RAP1GAP2: variants seen among roughly 807,000 people sequenced by gnomAD.
The protein encoded by RAP1GAP2 is RAP1 GTPase activating protein 2, also known as rap1 GTPase-activating protein 2.
In RAP1GAP2, 27 loss-of-function variants were observed where a neutral mutation model predicts 95.0. The observed-to-expected ratio is 0.28, with a 90% CI of 0.21 to 0.39. The LOEUF is 0.39. RAP1GAP2 is among the 10% of genes least tolerant of loss of function. The pLI is 1.00. For missense variants in RAP1GAP2, 771 were observed against 970.0 expected (o/e 0.79, Z 2.72); for synonymous variants, 373 against 380.9 (o/e 0.98, Z 0.24).
chr17:2,913,118 C>T (rs2042444660), intron 3 of RAP1GAP2, among the ~76,000 whole-genome samples: 1 of 152,064 alleles, frequency 6.6e-6, no homozygotes, highest in South Asian at 2.1e-4. Flanking sequence ...ATTGAGCTTG[C>T]AGTGAGTTAT....
chr17:2,964,423 G>A, intron 7 of RAP1GAP2: 1 of 251,938 alleles, frequency 4.0e-6, no homozygotes, highest in South Asian at 4.3e-5. Context: ...CTTTTCCTTG[G>A]CCTCTTACCT....
intron 2 of RAP1GAP2, among the ~76,000 whole-genome samples, chr17:2,771,224 C>T (rs79231205): frequency 0.02 from 3,051 of 152,198 alleles, 100 homozygotes; most frequent in African/African-American, 0.069. Flanking sequence ...CCTTCTTTGT[C>T]CGCCTCCTTT....
chr17:3,026,018 T>C lies in RAP1GAP2; in HGVS notation c.1762T>C (p.Ser588Pro), dbSNP rs898752398. The C allele has an allele frequency of 6.2e-7, 1 of 1,612,706 alleles. No individual in the cohort carries two copies. Among genetic ancestry groups the C allele is most frequent in the Admixed American group, 1.7e-5 (1 of 60,000 alleles). The change falls in exon 20 of 25, where the codon TCC becomes CCC. Residue 588 changes from serine to proline, a missense_variant. Ser to Pro is a moderately conservative substitution (Grantham distance 74, BLOSUM62 -1). Transcript: ENST00000254695. Reference protein sequence around the residue: ...GDSRARCDSTSSTPKTPDGGH... With the variant: ...GDSRARCDSTPSTPKTPDGGH... ...TTTCCATTCCCTCAGTGACAGCACA[T>C]CCAGCACACCCAAGACCCCAGATGG...
At chr17:2,945,040 A>AT (rs923681236) in intron 3 of RAP1GAP2, among the ~76,000 whole-genome samples, 15 of 151,438 alleles carry the variant, frequency 9.9e-5, no homozygotes, top group Middle Eastern at 3.2e-3. Flanking sequence ...CGCCCGGCTG[A>AT]TTTTTTTTGT....
At chr17:2,908,940 A>T (rs2042284530) in intron 3 of RAP1GAP2, among the ~76,000 whole-genome samples, 1 of 151,994 alleles carries the variant, frequency 6.6e-6, no homozygotes, top group Middle Eastern at 3.2e-3. Context: ...TCTTGGGTTC[A>T]AGCCATCCTT....
In RAP1GAP2 at chr17:2,870,545, T is replaced by C. The variant is rs2072800881; in HGVS notation, c.81-34739T>C. Among the ~76,000 whole-genome samples the C allele has an allele frequency of 6.6e-6, 1 of 152,246 alleles. No individual in the cohort carries two copies. Among genetic ancestry groups the C allele is most frequent in the Admixed American group, 6.5e-5 (1 of 15,286 alleles). On this transcript the variant is annotated intron_variant, in intron 2 of 24. Coordinates refer to ENST00000254695, the MANE Select transcript of RAP1GAP2 (RefSeq NM_015085.5). The surrounding 1 kb of genome is among the most constrained non-coding windows in gnomAD (Gnocchi z 4.4). ...TCACCTTCAGTCCCACAAGGGAGAC[T>C]GTAGAGATATTAACGTTTAATATTT... is the stretch of plus-strand genomic sequence containing the variant.
At chr17:2,876,719 G>C (rs1207284996) in intron 2 of RAP1GAP2, among the ~76,000 whole-genome samples, 9 of 152,068 alleles carry the variant, frequency 5.9e-5, no homozygotes, top group Non-Finnish European at 1.2e-4. Context: ...ATGCTGGTCA[G>C]CTGGGGCTGA....
chr17:2,940,486 A>T (rs901424093), intron 3 of RAP1GAP2, among the ~76,000 whole-genome samples: 4 of 152,216 alleles, frequency 2.6e-5, no homozygotes, highest in African/African-American at 9.6e-5. Flanking sequence ...GGGACTCCTC[A>T]GCTGGGCTTC....
At chr17:3,030,177 T>TACACACAC (rs61671474) in intron 22 of RAP1GAP2, among the ~76,000 whole-genome samples, 34 of 145,248 alleles carry the variant, frequency 2.3e-4, no homozygotes, top group African/African-American at 8.4e-4. Context: ...ATATATATTA[T>TACACACAC]ACACACACAC....
intron 2 of RAP1GAP2, among the ~76,000 whole-genome samples, chr17:2,894,920 C>A (rs1204695966): frequency 6.6e-6 from 1 of 152,158 alleles, no homozygotes; most frequent in Non-Finnish European, 1.5e-5. Flanking sequence ...CTTGCAGAGT[C>A]CTCCAGCAAA....
At chr17:2,826,668 GAAGGTGAAT>G (rs2070579123) in intron 2 of RAP1GAP2, among the ~76,000 whole-genome samples, 2 of 152,062 alleles carry the variant, frequency 1.3e-5, no homozygotes, top group Admixed American at 1.3e-4. Context: ...AGGGTCCTAA[GAAGGTGAAT>G]CCTGAGCCCA....
chr17:3,016,850 G>T (rs1443423), intron 17 of RAP1GAP2, among the ~76,000 whole-genome samples: 2 of 152,016 alleles, frequency 1.3e-5, no homozygotes, highest in East Asian at 3.9e-4. Context: ...CAGCTAATGC[G>T]TGCTGGAGTA....
At position 2,946,857 on chromosome 17, in the gene RAP1GAP2, T is replaced by A. The variant is rs529558666; in HGVS notation, c.166-10902T>A. On this transcript the variant is annotated intron_variant, in intron 3 of 24. Transcript: ENST00000254695. The stretch of plus-strand genomic sequence containing the variant: ...GCAACCTCCACCCCCCGGGTTCAAG[T>A]GAATCTCCTGCCTCAGCCTCCCAAG... Among the ~76,000 whole-genome samples the A allele has an allele frequency of 3.9e-5, 6 of 152,242 alleles. No homozygotes were observed. In the East Asian group the frequency reaches 1.2e-3, roughly 29 times the overall value.
At chr17:2,992,571 C>A (rs923965270) in intron 12 of RAP1GAP2, among the ~76,000 whole-genome samples, 1 of 152,148 alleles carries the variant, frequency 6.6e-6, no homozygotes, top group African/African-American at 2.4e-5. Flanking sequence ...GAGTCCAGAC[C>A]TGGCCAGCCT....
In RAP1GAP2 at chr17:2,995,297, C is replaced by A; in HGVS notation, c.915-40C>A. On this transcript the variant is annotated intron_variant, in intron 12 of 24. Coordinates refer to ENST00000254695, the MANE Select transcript of RAP1GAP2 (RefSeq NM_015085.5). ...GCATTAAGTTGCCCACTTTGCCTCA[C>A]TCTCTTTTCTCCCCATCTCCTGCCC... 4 of 1,603,754 alleles carry A rather than the reference C, an allele frequency of 2.5e-6. No individual in the cohort carries two copies. The South Asian group carries it at 4.4e-5, about 18-fold the overall frequency.
intron 19 of RAP1GAP2, among the ~76,000 whole-genome samples, chr17:3,025,544 G>C (rs752086476): frequency 2.6e-5 from 4 of 152,224 alleles, no homozygotes; most frequent in Non-Finnish European, 4.4e-5. Flanking sequence ...GGGACCAGGA[G>C]CTCGTATTCT....
intron 17 of RAP1GAP2, among the ~76,000 whole-genome samples, chr17:3,013,632 C>CTTTTTTTT (rs998163717): frequency 5.1e-5 from 4 of 78,854 alleles, no homozygotes; most frequent in Admixed American, 2.0e-4. Flanking sequence ...CTTTTCTTTT[C>CTTTTTTTT]TTTTTTTTTT....
intron 11 of RAP1GAP2, among the ~76,000 whole-genome samples, chr17:2,989,585 G>A (rs1462944141): frequency 6.6e-6 from 1 of 151,958 alleles, no homozygotes; most frequent in Non-Finnish European, 1.5e-5. Flanking sequence ...CACCCGCCTC[G>A]GCCTCCCATA....
chr17:2,887,523 C>T (rs1018129400), intron 2 of RAP1GAP2, among the ~76,000 whole-genome samples: 2 of 149,164 alleles, frequency 1.3e-5, no homozygotes, highest in Admixed American at 6.7e-5. Context: ...TACAGGCACA[C>T]GCCACTGCGC....
Sources: gnomAD v4.1 joint callset for allele counts (sites outside exome capture counted in the v4.1 genomes callset) on GRCh38, gnomAD v4.1.1 for gene constraint, Gnocchi (gnomAD v3.1) non-coding constraint, MANE v1.5 for transcripts, NCBI Gene and HGNC (gene_info 2026-07-23, HGNC 2026-07-21) for gene names.